Variants in BMPR1A observed in about 807,000 individuals in gnomAD.
BMPR1A encodes the protein bone morphogenetic protein receptor type 1A.
In BMPR1A, 7 loss-of-function variants were observed where a neutral mutation model predicts 66.0. The ratio of observed to expected loss-of-function variants is 0.11; its 90% CI spans 0.06 to 0.20. The LOEUF (loss-of-function observed/expected upper bound fraction) is 0.20, where lower values mean the gene tolerates loss of function less well. Ranked by LOEUF, BMPR1A falls within the 10% of genes least tolerant of loss-of-function variation. The probability of loss-of-function intolerance (pLI) is 1.00; values close to 1 mark genes in which losing one functional copy is unlikely to be tolerated. For synonymous variants in BMPR1A, 200 were observed against 229.7 expected, an observed-to-expected ratio of 0.87 and a Z score of 1.17; for missense variants, 408 against 669.1, an observed-to-expected ratio of 0.61 and a Z score of 4.31.
chr10:86,918,122 G>C (rs1843604623), intron 9 of BMPR1A, among the ~76,000 whole-genome samples: 2 of 152,144 alleles, frequency 1.3e-5, no homozygotes, highest in South Asian at 4.1e-4. Flanking sequence ...TCTGTCATCA[G>C]GTGGCCTTCT....
intron 1 of BMPR1A, among the ~76,000 whole-genome samples, chr10:86,772,594 T>C (rs1841282243): frequency 1.3e-5 from 2 of 152,006 alleles, no homozygotes; most frequent in African/African-American, 4.8e-5. Flanking sequence ...CAGTTGAAAA[T>C]GAAAGTGATT....
chr10:86,863,641 A>C (rs942113506), intron 2 of BMPR1A, among the ~76,000 whole-genome samples: 2 of 152,114 alleles, frequency 1.3e-5, no homozygotes, highest in African/African-American at 4.8e-5. Flanking sequence ...TTCTGGGCCC[A>C]ACATAGCTGC....
At chr10:86,828,575 T>C (rs909169710) in intron 1 of BMPR1A, among the ~76,000 whole-genome samples, 20 of 152,224 alleles carry the variant, frequency 1.3e-4, no homozygotes, top group Non-Finnish European at 2.9e-4. Flanking sequence ...CTGAATTTCT[T>C]TATGTGTTGA....
intron 2 of BMPR1A, among the ~76,000 whole-genome samples, chr10:86,871,803 A>C (rs1589755261): frequency 1.1e-5 from 1 of 86,964 alleles, no homozygotes; most frequent in South Asian, 3.3e-4. Context: ...CTCTGCCTCC[A>C]AAAAAAAAAA....
chr10:86,883,535 G>A (rs1446961374), intron 3 of BMPR1A, among the ~76,000 whole-genome samples: 1 of 131,032 alleles, frequency 7.6e-6, no homozygotes, highest in Non-Finnish European at 1.6e-5. Context: ...GGGCGACAGA[G>A]CGAGACTCCG....
intron 7 of BMPR1A, among the ~76,000 whole-genome samples, chr10:86,909,157 G>A (rs1463227772): frequency 6.6e-6 from 1 of 152,182 alleles, no homozygotes; most frequent in African/African-American, 2.4e-5. Context: ...ACTGTAAGGA[G>A]GATGTGAGGA....
chr10:86,903,314 A>G (rs759221958), intron 7 of BMPR1A, among the ~76,000 whole-genome samples: 117 of 152,200 alleles, frequency 7.7e-4, no homozygotes, highest in Non-Finnish European at 1.4e-3. Flanking sequence ...TTTATGTACA[A>G]AAGTTAAATC....
chr10:86,798,253 G>A (rs1841753623), intron 1 of BMPR1A, among the ~76,000 whole-genome samples: 1 of 151,666 alleles, frequency 6.6e-6, no homozygotes, highest in South Asian at 2.1e-4. Flanking sequence ...TTATATCTTT[G>A]CAAAAACCAA....
intron 2 of BMPR1A, among the ~76,000 whole-genome samples, chr10:86,841,539 A>G (rs1248953956): frequency 2.0e-5 from 3 of 152,238 alleles, no homozygotes; most frequent in African/African-American, 4.8e-5. Context: ...TTGATGGATG[A>G]ATAGAAGATT....
chr10:86,879,562 G>A (rs576003370), intron 3 of BMPR1A, among the ~76,000 whole-genome samples: 1 of 152,292 alleles, frequency 6.6e-6, no homozygotes, highest in South Asian at 2.1e-4. Flanking sequence ...ATCTGTTGCT[G>A]GGTACCACAT....
At chr10:86,798,130 A>T (rs1451736831) in intron 1 of BMPR1A, among the ~76,000 whole-genome samples, 1 of 151,924 alleles carries the variant, frequency 6.6e-6, no homozygotes, top group Non-Finnish European at 1.5e-5. Context: ...TTCTTATATA[A>T]GCATATTTGT....
At chr10:86,868,820 G>T (rs985072983) in intron 2 of BMPR1A, among the ~76,000 whole-genome samples, 3 of 145,106 alleles carry the variant, frequency 2.1e-5, no homozygotes, top group African/African-American at 7.8e-5. Context: ...TGGTTCAGTT[G>T]TCTTGCTGTT....
chr10:86,816,830 C>T (rs942315852), intron 1 of BMPR1A, among the ~76,000 whole-genome samples: 8 of 152,108 alleles, frequency 5.3e-5, no homozygotes, highest in Non-Finnish European at 8.8e-5. Flanking sequence ...TTGGGGTTGA[C>T]GAACCACTCT....
At chr10:86,765,254 G>A (rs1357654341) in intron 1 of BMPR1A, among the ~76,000 whole-genome samples, 5 of 151,926 alleles carry the variant, frequency 3.3e-5, no homozygotes, top group African/African-American at 1.2e-4. Context: ...TTGGGAGGCC[G>A]AGGCGGGAGG....
chr10:86,842,544 CTA>C (rs1171345457), intron 2 of BMPR1A, among the ~76,000 whole-genome samples: 1 of 151,934 alleles, frequency 6.6e-6, no homozygotes, highest in Non-Finnish European at 1.5e-5. Flanking sequence ...GGCAAGGAGT[CTA>C]GACTTTATTT....
intron 8 of BMPR1A, among the ~76,000 whole-genome samples, chr10:86,916,863 G>C (rs1337020756): frequency 6.6e-6 from 1 of 151,872 alleles, no homozygotes; most frequent in Non-Finnish European, 1.5e-5. Context: ...CATGGTGGCG[G>C]GTGTCTGTAA....
chr10:86,867,489 G>A (rs913091414), intron 2 of BMPR1A, among the ~76,000 whole-genome samples: 8 of 152,190 alleles, frequency 5.3e-5, no homozygotes, highest in Non-Finnish European at 1.0e-4. Flanking sequence ...ACAGAAGAGT[G>A]ACACCTAGGT....
intron 2 of BMPR1A, among the ~76,000 whole-genome samples, chr10:86,860,544 TG>T (rs1166381162): frequency 6.6e-6 from 1 of 152,018 alleles, no homozygotes; most frequent in Admixed American, 6.5e-5. Flanking sequence ...CCGAAGCTGG[TG>T]GATCACCCGA....
At chr10:86,868,549 C>A (rs975725405) in intron 2 of BMPR1A, among the ~76,000 whole-genome samples, 2 of 152,208 alleles carry the variant, frequency 1.3e-5, no homozygotes, top group African/African-American at 4.8e-5. Context: ...TATTCCTTCT[C>A]AGAAAGCTTG....
Sources: allele counts gnomAD v4.1 joint callset (sites outside exome capture counted in the v4.1 genomes callset), GRCh38; gene constraint gnomAD v4.1.1; transcripts MANE v1.5; gene names NCBI Gene and HGNC (gene_info 2026-07-23, HGNC 2026-07-21).